Variants in IQSEC1 observed in about 807,000 individuals in gnomAD.
The protein encoded by IQSEC1 is IQ motif and Sec7 domain ArfGEF 1, also known as IQ motif and SEC7 domain-containing protein 1.
IQSEC1 carries 31 observed loss-of-function variants against 91.0 expected under a neutral mutation model. The observed-to-expected ratio is 0.34, with a 90% confidence interval of 0.26 to 0.46. The LOEUF is 0.46. Among genes scored for constraint, IQSEC1 ranks in the 20% least tolerant of loss-of-function variants. IQSEC1 has a pLI of 1.00. For synonymous variants in IQSEC1, 699 were observed against 662.6 expected, an observed-to-expected ratio of 1.05 and a Z score of -0.84; for missense variants, 1,388 against 1,575.6, an observed-to-expected ratio of 0.88 and a Z score of 2.02.
rs143576798 is a variant in IQSEC1 at position 13,015,195 on chromosome 3, G to A, written c.23+57797C>T. Among the ~76,000 whole-genome samples the A allele has an allele frequency of 1.8e-4, 28 of 152,278 alleles. No homozygotes were observed. The East Asian group carries it at 5.4e-3, about 29-fold the overall frequency. Reference sequence around the variant, plus strand: ...CCTCAGTTTACTCGGCTGTAAACTGGGCATTGTCAAGAGTCCATCTTTCTC... The same window carrying A: ...CCTCAGTTTACTCGGCTGTAAACTGAGCATTGTCAAGAGTCCATCTTTCTC... On this transcript the variant is annotated intron_variant, in intron 1 of 13. Transcript: ENST00000613206.
At chr3:13,152,714 T>C (rs139541993) in intron 2 of IQSEC1, among the ~76,000 whole-genome samples, 93 of 152,134 alleles carry the variant, frequency 6.1e-4, no homozygotes, top group African/African-American at 2.0e-3. Context: ...CTACTAAAAA[T>C]ACAAAAATTA....
chr3:12,936,206 G>C lies in IQSEC1; in HGVS notation c.810C>G (p.Ala270=). The change falls in exon 3 of 14, where the codon GCC becomes GCG. Residue 270 remains alanine, a synonymous_variant. Transcript: ENST00000613206. ...ARARDTEPQT[A]LHGMDHRKLD... The stretch of plus-strand genomic sequence containing the variant: ...GTTTGCGGTGGTCCATGCCGTGCAG[G>C]GCTGTCTGGGGTTCGGTGTCCCGGG... 1 of 1,613,060 alleles carries C rather than the reference G, an allele frequency of 6.2e-7. No individual in the cohort carries two copies. Among genetic ancestry groups the C allele is most frequent in the Non-Finnish European group, 8.5e-7 (1 of 1,179,976 alleles).
Position 13,103,471 on chromosome 3 carries a change from G to A in IQSEC1, c.303-55949C>T, listed in dbSNP as rs148419425. Among the ~76,000 whole-genome samples the A allele has an allele frequency of 3.3e-5, 5 of 152,150 alleles. No individual in the cohort carries two copies. In the East Asian group the frequency reaches 7.8e-4, roughly 24 times the overall value. ...TGTATGATCACCATCCTCAGTCACT[G>A]GAAGAGCTGGCCGTGCTGCCTGGAT... On this transcript the variant is annotated intron_variant, in intron 2 of 15. Transcript: ENST00000648114. The surrounding 1 kb of genome is among the most constrained non-coding windows in gnomAD (Gnocchi z 4.1).
chr3:13,175,111 C>T (rs1693701843), intron 1 of IQSEC1, among the ~76,000 whole-genome samples: 1 of 152,158 alleles, frequency 6.6e-6, no homozygotes, highest in African/African-American at 2.4e-5. Flanking sequence ...CCAGATGGAT[C>T]CCTGGAAGTC....
At position 12,915,585 on chromosome 3, in the gene IQSEC1, A is replaced by G. The variant is rs1212532834; in HGVS notation, c.2160+9T>C. On this transcript the variant is annotated intron_variant, in intron 7 of 13. Coordinates refer to ENST00000613206, the MANE Select transcript of IQSEC1 (RefSeq NM_001134382.3). ...TGGGGCCCACCACGTACCAGGGCCC[A>G]TCACATACCGGCTTTTTCCCCACAA... is the stretch of plus-strand genomic sequence containing the variant. The G allele has an allele frequency of 1.2e-6, 2 of 1,613,798 alleles. No homozygotes were observed. Among genetic ancestry groups the G allele is most frequent in the Non-Finnish European group, 1.7e-6 (2 of 1,179,776 alleles).
intron 2 of IQSEC1, among the ~76,000 whole-genome samples, chr3:13,084,210 C>G (rs548007719): frequency 1.3e-5 from 2 of 152,266 alleles, no homozygotes; most frequent in South Asian, 4.1e-4. Flanking sequence ...CTGCACCTGA[C>G]GACCTGGGGC....
chr3:13,132,347 G>A (rs1706634799), intron 2 of IQSEC1, among the ~76,000 whole-genome samples: 1 of 152,144 alleles, frequency 6.6e-6, no homozygotes, highest in South Asian at 2.1e-4. Context: ...ACTTTTGAGG[G>A]CCAGGCACTG....
chr3:12,981,002 G>A (rs544240344), intron 1 of IQSEC1, among the ~76,000 whole-genome samples: 72 of 152,272 alleles, frequency 4.7e-4, no homozygotes, highest in Middle Eastern at 3.4e-3. Context: ...CCTCTAAGCA[G>A]TGTTCAGGTG....
intron 1 of IQSEC1, among the ~76,000 whole-genome samples, chr3:12,987,332 G>T (rs1701788599): frequency 6.6e-6 from 1 of 152,248 alleles, no homozygotes; most frequent in South Asian, 2.1e-4. Context: ...CGTGCTGGGG[G>T]CAGTGCAGGT....
rs1354797446 is a variant in IQSEC1, at chr3:12,902,810, C to T, written c.2768G>A (p.Arg923His). The part of the protein sequence containing the change: ...RDLSEAGKRG[R>H]RSSAGSLESN... ...CTCTAGCGATCCCGCACTGCTGCGA[C>T]GCCCTCGCTTCCCTGCCCAGAACAT... The change falls in exon 13 of 14, where the codon CGT (arginine) becomes CAT (histidine). Residue 923 changes from arginine to histidine, a missense_variant. Around this residue, in one of 2 missense-constraint regions of IQSEC1, gnomAD observed 1,059 missense variants for 1,317.8 expected, o/e 0.80. Transcript: ENST00000613206. The T allele has an allele frequency of 5.6e-6, 9 of 1,613,210 alleles. No homozygotes were observed. Among genetic ancestry groups the T allele is most frequent in the Non-Finnish European group, 8.5e-7 (1 of 1,179,286 alleles).
At chr3:13,006,231 T>C (rs1353944958) in intron 1 of IQSEC1, among the ~76,000 whole-genome samples, 1 of 152,200 alleles carries the variant, frequency 6.6e-6, no homozygotes, top group Non-Finnish European at 1.5e-5. Context: ...GACTTTCCTT[T>C]CAGGAGAAGG....
At chr3:12,938,909 CA>C (rs1195709109) in intron 2 of IQSEC1, among the ~76,000 whole-genome samples, 5 of 152,212 alleles carry the variant, frequency 3.3e-5, no homozygotes, top group African/African-American at 1.2e-4. Flanking sequence ...GTTCCTCCCC[CA>C]GGGGGACACA....
intron 1 of IQSEC1, among the ~76,000 whole-genome samples, chr3:13,047,157 C>A (rs1704525876): frequency 6.6e-6 from 1 of 152,186 alleles, no homozygotes; most frequent in African/African-American, 2.4e-5. Context: ...GGGAGACCCA[C>A]CAGCCTTGGA....
chr3:13,123,283 T>C (rs1615157), intron 2 of IQSEC1, among the ~76,000 whole-genome samples: 74,564 of 152,078 alleles, frequency 0.49, 19,617 homozygotes, highest in African/African-American at 0.69. Context: ...TGCCCCTTCA[T>C]AATTTATTTC....
chr3:13,097,996 T>A (rs1193715979), intron 2 of IQSEC1, among the ~76,000 whole-genome samples: 1 of 152,220 alleles, frequency 6.6e-6, no homozygotes, highest in Non-Finnish European at 1.5e-5. Flanking sequence ...ATGTGAGGGC[T>A]TCTGAAGGCC....
chr3:13,221,032 G>A (rs918463722), intron 1 of IQSEC1, among the ~76,000 whole-genome samples: 12 of 152,268 alleles, frequency 7.9e-5, no homozygotes, highest in Non-Finnish European at 1.5e-4. Context: ...CAGCGACTGA[G>A]GCTTAAGGAG....
intron 1 of IQSEC1, among the ~76,000 whole-genome samples, chr3:13,219,436 G>A (rs1032274217): frequency 1.3e-5 from 2 of 152,216 alleles, no homozygotes; most frequent in African/African-American, 4.8e-5. Context: ...AAATATTTCT[G>A]GGGCCCTGGT....
In IQSEC1 at chr3:13,174,833, TC is replaced by T. The variant is rs754194155; in HGVS notation, c.273-10701del. Among the ~76,000 whole-genome samples, 208 of 112,710 alleles carry T rather than the reference TC, an allele frequency of 1.8e-3. 3 individuals are homozygous for T. In the South Asian group the frequency reaches 0.023, roughly 13 times the overall value. The allele number at this position is 112,710 out of a possible 152,430, so 73.9% of individuals were successfully genotyped here. On this transcript the variant is annotated intron_variant, in intron 1 of 15. Transcript: ENST00000648114. ...TGGAGCCCACTGGTGGTCTTTCTGC[TC>T]CCCCCCCCCACCTCCTCCCACCACT...
chr3:13,212,762 G>A (rs930334836), intron 1 of IQSEC1, among the ~76,000 whole-genome samples: 4 of 152,200 alleles, frequency 2.6e-5, no homozygotes, highest in Non-Finnish European at 5.9e-5. Context: ...CCTTTCCTTG[G>A]TGGCTAATGA....
Sources: gnomAD v4.1 joint callset for allele counts (sites outside exome capture counted in the v4.1 genomes callset) on GRCh38, gnomAD v4.1.1 for gene constraint, gnomAD v4.1.1 regional missense constraint, Gnocchi (gnomAD v3.1) non-coding constraint, MANE v1.5 for transcripts, NCBI Gene and HGNC (gene_info 2026-07-23, HGNC 2026-07-21) for gene names.